The following CRIM1 variants were observed in gnomAD, a reference collection of about 807,000 sequenced individuals.
The protein encoded by CRIM1 is cysteine rich transmembrane BMP regulator 1.
CRIM1 carries 32 observed loss-of-function variants against 116.4 expected under a neutral mutation model. The observed-to-expected ratio is 0.27, with a 90% CI of 0.21 to 0.37. The LOEUF is 0.37. Ranked by LOEUF, CRIM1 falls within the 10% of genes least tolerant of loss-of-function variation. CRIM1 has a pLI of 1.00. For synonymous variants in CRIM1, 590 were observed against 509.2 expected, an observed-to-expected ratio of 1.16 and a Z score of -2.13; for missense variants, 1,331 against 1,354.8, an observed-to-expected ratio of 0.98 and a Z score of 0.28.
Position 36,544,410 on chromosome 2 carries a change from T to G in CRIM1, c.2658T>G (p.Ile886Met), listed in dbSNP as rs201094364. 7.6e-5 allele frequency: 108 copies of G among 1,425,552 alleles called. No individual in the cohort carries two copies. Among genetic ancestry groups the G allele is most frequent in the Non-Finnish European group, 5.7e-5 (62 of 1,085,434 alleles). 88.3% of individuals were successfully genotyped at this position (1,425,552 alleles called of 1,614,324 possible). ...MYVPEPTNIP[I>M]EKTNHRGEVD... ...TCCCAGAACCAACCAATATACCCAT[T>G]GAGAAGACAAACCATCGAGGAGAGG... is the stretch of plus-strand genomic sequence containing the variant. The change falls in exon 15 of 17, where the codon ATT becomes ATG. Residue 886 changes from isoleucine to methionine, a missense_variant. Physicochemically the swap from Ile to Met is conservative, Grantham distance 10. Coordinates refer to ENST00000280527, the MANE Select transcript of CRIM1 (RefSeq NM_016441.3).
chr2:36,494,211 G>A (rs181251992), intron 7 of CRIM1, among the ~76,000 whole-genome samples: 36 of 152,114 alleles, frequency 2.4e-4, no homozygotes, highest in African/African-American at 8.5e-4. Flanking sequence ...TGTGATCCCA[G>A]TAGCTTAATT....
intron 2 of CRIM1, among the ~76,000 whole-genome samples, chr2:36,413,345 A>C (rs558274985): frequency 6.6e-6 from 1 of 152,316 alleles, no homozygotes; most frequent in East Asian, 1.9e-4. Flanking sequence ...TAGCAGAGGA[A>C]ATGCCTCAAA....
At chr2:36,358,824 A>G (rs554037034) in intron 1 of CRIM1, among the ~76,000 whole-genome samples, 11 of 152,332 alleles carry the variant, frequency 7.2e-5, no homozygotes, top group African/African-American at 2.4e-4. Context: ...CTGTGAAACC[A>G]AAGTAAGGAC....
intron 2 of CRIM1, among the ~76,000 whole-genome samples, chr2:36,420,092 TC>T (rs1392343211): frequency 6.6e-6 from 1 of 152,190 alleles, no homozygotes; most frequent in Non-Finnish European, 1.5e-5. Context: ...TATTTCCCCC[TC>T]CCAACTTCCT....
intron 1 of CRIM1, among the ~76,000 whole-genome samples, chr2:36,373,760 T>G (rs1670105727): frequency 6.6e-6 from 1 of 151,988 alleles, no homozygotes; most frequent in Non-Finnish European, 1.5e-5. Context: ...CGTTGGAGAT[T>G]ATGTGATGTG....
chr2:36,547,554 A>C (rs1667439763), intron 16 of CRIM1, among the ~76,000 whole-genome samples: 1 of 152,190 alleles, frequency 6.6e-6, no homozygotes, highest in South Asian at 2.1e-4. Flanking sequence ...AGAGAAAAAA[A>C]GTCCCAAAGG....
chr2:36,535,193 A>G (rs1380624735), intron 13 of CRIM1, among the ~76,000 whole-genome samples: 2 of 137,494 alleles, frequency 1.5e-5, no homozygotes, highest in East Asian at 4.4e-4. Flanking sequence ...GGGAGGGTAA[A>G]AAGGAGGGAA....
At chr2:36,460,527 T>C (rs10175022) in intron 4 of CRIM1, among the ~76,000 whole-genome samples, 106,894 of 152,106 alleles carry the variant, frequency 0.7, 39,322 homozygotes, top group South Asian at 0.83. Context: ...TGAATACTTA[T>C]CGTAAGTGAA....
At chr2:36,505,809 TG>T (rs1200041006) in intron 8 of CRIM1, among the ~76,000 whole-genome samples, 1 of 152,086 alleles carries the variant, frequency 6.6e-6, no homozygotes, top group Non-Finnish European at 1.5e-5. Flanking sequence ...GTAGTGGTGC[TG>T]TGTTGAATCA....
chr2:36,386,181 G>T (rs935978394), intron 1 of CRIM1, among the ~76,000 whole-genome samples: 11 of 152,156 alleles, frequency 7.2e-5, no homozygotes, highest in Admixed American at 3.3e-4. Flanking sequence ...ATGGTACTGT[G>T]CATTATTCAT....
chr2:36,398,060 AG>A (rs1672156177), intron 2 of CRIM1, among the ~76,000 whole-genome samples: 1 of 152,186 alleles, frequency 6.6e-6, no homozygotes, highest in Non-Finnish European at 1.5e-5. Context: ...CTGCCACAAA[AG>A]GGTATTTTGC....
rs1676930936 is a variant in CRIM1 at position 36,453,943 on chromosome 2, AAC to A, written c.870-10588_870-10587del. ...AATGTGTCTTGCAGCTTAAAACATT[AAC>A]ACTAATCCCACCTACCTTTATGATT... On this transcript the variant is annotated intron_variant, in intron 4 of 16. Transcript: ENST00000280527. Among the ~76,000 whole-genome samples the A allele has an allele frequency of 2.6e-5, 4 of 152,328 alleles. No individual in the cohort carries two copies. In the Middle Eastern group the frequency reaches 0.014, roughly 518 times the overall value.
intron 2 of CRIM1, among the ~76,000 whole-genome samples, chr2:36,422,538 T>C (rs948512679): frequency 3.3e-5 from 5 of 152,204 alleles, no homozygotes; most frequent in Admixed American, 1.3e-4. Flanking sequence ...TCACTACTTA[T>C]CGCTCTTCAG....
chr2:36,363,304 G>A (rs1250485558), intron 1 of CRIM1, among the ~76,000 whole-genome samples: 1 of 151,950 alleles, frequency 6.6e-6, no homozygotes, highest in Admixed American at 6.6e-5. Context: ...TGATAGGGTT[G>A]CTATAAGGAC....
Position 36,513,760 on chromosome 2 carries a change from G to A in CRIM1, c.1985G>A (p.Cys662Tyr). The A allele has an allele frequency of 6.2e-7, 1 of 1,613,884 alleles. No individual in the cohort carries two copies. Among genetic ancestry groups the A allele is most frequent in the Non-Finnish European group, 8.5e-7 (1 of 1,179,882 alleles). The change falls in exon 11 of 17, where the codon TGT becomes TAT. Residue 662 changes from cysteine to tyrosine, a missense_variant. Physicochemically the swap from Cys to Tyr is radical, Grantham distance 194 (BLOSUM62 -2). This residue lies in a region of CRIM1 where 358 missense variants were observed against 436.1 expected (regional missense o/e 0.82). Coordinates refer to ENST00000280527, the MANE Select transcript of CRIM1 (RefSeq NM_016441.3). ...TIHPGQCCPS[C>Y]ADDFVVQKPE... Reference sequence around the variant, plus strand: ...CACCCTGGACAGTGCTGCCCATCATGTGCAGGTAAAAGCTGGCTGCCATCT... The same window carrying A: ...CACCCTGGACAGTGCTGCCCATCATATGCAGGTAAAAGCTGGCTGCCATCT...
chr2:36,501,214 T>C (rs1329552680), intron 8 of CRIM1, among the ~76,000 whole-genome samples: 1 of 152,242 alleles, frequency 6.6e-6, no homozygotes, highest in Non-Finnish European at 1.5e-5. Context: ...TTACCATGGC[T>C]CAGAGACTTG....
intron 9 of CRIM1, among the ~76,000 whole-genome samples, chr2:36,510,404 C>T (rs538971943): frequency 6.6e-6 from 1 of 151,862 alleles, no homozygotes; most frequent in Admixed American, 6.6e-5. Flanking sequence ...ATAGCAGAGT[C>T]CTTTAGACAC....
At chr2:36,453,766 AAC>A (rs1032268078) in intron 4 of CRIM1, among the ~76,000 whole-genome samples, 9 of 152,244 alleles carry the variant, frequency 5.9e-5, no homozygotes, top group African/African-American at 2.2e-4. Context: ...GTGTGCAAAA[AAC>A]ACAAAGTTAG....
chr2:36,471,932 C>G (rs1271995988), intron 5 of CRIM1, among the ~76,000 whole-genome samples: 1 of 152,140 alleles, frequency 6.6e-6, no homozygotes, highest in Non-Finnish European at 1.5e-5. Flanking sequence ...TGGAACTGAA[C>G]CCACAATATC....
Sources: gnomAD v4.1 joint callset for allele counts (sites outside exome capture counted in the v4.1 genomes callset) on GRCh38, gnomAD v4.1.1 for gene constraint, gnomAD v4.1.1 regional missense constraint, MANE v1.5 for transcripts, NCBI Gene and HGNC (gene_info 2026-07-23, HGNC 2026-07-21) for gene names.